Variants in NAALADL2 observed in about 807,000 individuals in gnomAD.
NAALADL2 encodes the protein inactive N-acetylated-alpha-linked acidic dipeptidase-like protein 2.
NAALADL2 carries 76 observed loss-of-function variants against 87.2 expected under a neutral mutation model. The ratio of observed to expected loss-of-function variants is 0.87; its 90% confidence interval spans 0.72 to 1.05. The LOEUF (loss-of-function observed/expected upper bound fraction) is 1.05. Among genes scored for constraint, NAALADL2 ranks in the 50% least tolerant of loss-of-function variants. The probability of loss-of-function intolerance (pLI) is 0.00; values close to 1 mark genes in which losing one functional copy is unlikely to be tolerated. For missense variants in NAALADL2, 1,089 were observed against 945.8 expected, an observed-to-expected ratio of 1.15 and a Z score of -1.99; for synonymous variants, 354 against 331.0, an observed-to-expected ratio of 1.07 and a Z score of -0.75.
At chr3:174,469,459 C>T (rs1202312378) in intron 1 of NAALADL2, among the ~76,000 whole-genome samples, 2 of 151,126 alleles carry the variant, frequency 1.3e-5, no homozygotes, top group Non-Finnish European at 2.9e-5. Context: ...GATGGAGTCT[C>T]GCTCTGTCTC....
intron 2 of NAALADL2, among the ~76,000 whole-genome samples, chr3:174,633,024 T>C (rs1722295869): frequency 6.6e-6 from 1 of 152,036 alleles, no homozygotes; most frequent in Non-Finnish European, 1.5e-5. Context: ...TGTTTATTGT[T>C]ATAAATAATT....
At chr3:174,565,304 A>C (rs1042836432) in intron 2 of NAALADL2, among the ~76,000 whole-genome samples, 15 of 152,072 alleles carry the variant, frequency 9.9e-5, no homozygotes, top group African/African-American at 3.6e-4. Flanking sequence ...ATGTCCTAAA[A>C]ATCTCCTGTG....
chr3:174,658,904 G>A (rs184655663), intron 2 of NAALADL2, among the ~76,000 whole-genome samples: 3 of 152,142 alleles, frequency 2.0e-5, no homozygotes, highest in East Asian at 3.9e-4. Flanking sequence ...TCTTAGCGTC[G>A]ACATCATTCT....
chr3:174,695,201 G>A lies in NAALADL2; in HGVS notation c.-114-42440G>A, dbSNP rs141588203. Among the ~76,000 whole-genome samples, 316 of 152,084 alleles carry A rather than the reference G, an allele frequency of 2.1e-3. 2 individuals are homozygous for A. The highest frequency in any genetic ancestry group is 7.0e-3 in the African/African-American group (292 of 41,536). On this transcript the variant is annotated intron_variant, in intron 2 of 3. Coordinates refer to the NAALADL2 transcript ENST00000434257. Reference sequence around the variant, plus strand: ...TACATTCTTCATTTGACATAAAGGTGTGAATAAGACAGTCCTTAGTTATCA... The same window carrying A: ...TACATTCTTCATTTGACATAAAGGTATGAATAAGACAGTCCTTAGTTATCA...
intron 2 of NAALADL2, among the ~76,000 whole-genome samples, chr3:174,671,961 GAC>G (rs1726585803): frequency 2.0e-5 from 3 of 150,706 alleles, no homozygotes; most frequent in African/African-American, 7.4e-5. Context: ...TGATGATGAT[GAC>G]AGTGGTGATG....
At chr3:175,272,346 T>C (rs1752962855) in intron 4 of NAALADL2, among the ~76,000 whole-genome samples, 1 of 152,194 alleles carries the variant, frequency 6.6e-6, no homozygotes, top group Non-Finnish European at 1.5e-5. Flanking sequence ...GAGTTTATCA[T>C]ATTAAACTCC....
intron 5 of NAALADL2, among the ~76,000 whole-genome samples, chr3:175,396,896 C>T (rs927145318): frequency 1.3e-5 from 2 of 152,054 alleles, no homozygotes; most frequent in African/African-American, 4.8e-5. Context: ...TTTCCTGAGG[C>T]CTCCCCAACC....
chr3:175,217,206 A>G (rs1288211092), intron 2 of NAALADL2, among the ~76,000 whole-genome samples: 1 of 152,194 alleles, frequency 6.6e-6, no homozygotes, highest in Non-Finnish European at 1.5e-5. Context: ...CCAGCTAGGC[A>G]CATATGGCCA....
At chr3:175,087,404 G>A (rs533731119) in intron 1 of NAALADL2, among the ~76,000 whole-genome samples, 2 of 152,210 alleles carry the variant, frequency 1.3e-5, no homozygotes, top group Non-Finnish European at 2.9e-5. Context: ...CCGTCTGGGA[G>A]GTGTACCCAA....
chr3:175,613,506 C>A lies in NAALADL2; in HGVS notation c.1801-13785C>A, dbSNP rs532220347. ...TGAACATACATTTTATTTTTTCTCACCTGAGATGATTCTCAACAATCATTA... is the reference window on the plus strand; with the variant it reads ...TGAACATACATTTTATTTTTTCTCAACTGAGATGATTCTCAACAATCATTA... On this transcript the variant is annotated intron_variant, in intron 10 of 13. Coordinates refer to ENST00000454872, the MANE Select transcript of NAALADL2 (RefSeq NM_207015.3). Among the ~76,000 whole-genome samples, 12 of 152,212 alleles carry A rather than the reference C, an allele frequency of 7.9e-5. No homozygotes were observed. The South Asian group carries it at 2.1e-3, about 26-fold the overall frequency.
intron 1 of NAALADL2, among the ~76,000 whole-genome samples, chr3:174,917,446 T>G (rs1403519599): frequency 6.6e-6 from 1 of 152,172 alleles, no homozygotes. Context: ...TAGTGTAACT[T>G]TAGCTTTTAT....
intron 1 of NAALADL2, among the ~76,000 whole-genome samples, chr3:174,890,317 G>A (rs1411479122): frequency 6.6e-6 from 1 of 152,098 alleles, no homozygotes; most frequent in African/African-American, 2.4e-5. Context: ...ATGAGCTCCT[G>A]TTATATACAG....
At chr3:175,402,398 C>A (rs1160345281) in intron 5 of NAALADL2, among the ~76,000 whole-genome samples, 1 of 152,022 alleles carries the variant, frequency 6.6e-6, no homozygotes, top group Non-Finnish European at 1.5e-5. Flanking sequence ...GGGTCTCCTT[C>A]AATCCTTTCT....
At chr3:175,038,637 A>G (rs1374597760) in intron 1 of NAALADL2, among the ~76,000 whole-genome samples, 2 of 152,198 alleles carry the variant, frequency 1.3e-5, no homozygotes, top group Non-Finnish European at 2.9e-5. Context: ...AATGAACTTT[A>G]CATCAACAAT....
intron 2 of NAALADL2, among the ~76,000 whole-genome samples, chr3:175,215,109 C>T (rs1255055918): frequency 6.6e-6 from 1 of 152,084 alleles, no homozygotes; most frequent in Non-Finnish European, 1.5e-5. Context: ...ATAACAACTT[C>T]TGAAATCAGT....
intron 1 of NAALADL2, among the ~76,000 whole-genome samples, chr3:175,027,877 G>C (rs959478351): frequency 1.3e-5 from 2 of 151,158 alleles, no homozygotes; most frequent in African/African-American, 4.9e-5. Flanking sequence ...TGAACATCTA[G>C]GTAAAGAAAA....
At chr3:174,486,774 T>C (rs1014340733) in intron 1 of NAALADL2, among the ~76,000 whole-genome samples, 1 of 152,044 alleles carries the variant, frequency 6.6e-6, no homozygotes, top group Non-Finnish European at 1.5e-5. Context: ...CAATAGTTAA[T>C]TAGTTATATC....
intron 3 of NAALADL2, among the ~76,000 whole-genome samples, chr3:175,243,316 A>G (rs574729201): frequency 4.5e-4 from 54 of 118,728 alleles, no homozygotes; most frequent in African/African-American, 1.7e-3. Flanking sequence ...ACCACTTTAG[A>G]AGGAAACACA....
chr3:174,891,088 C>A (rs570104702), intron 1 of NAALADL2, among the ~76,000 whole-genome samples: 1 of 151,952 alleles, frequency 6.6e-6, no homozygotes, highest in South Asian at 2.1e-4. Context: ...ATACTCTTAA[C>A]CAGGAATGCA....
Sources: allele counts gnomAD v4.1 joint callset (sites outside exome capture counted in the v4.1 genomes callset), GRCh38; gene constraint gnomAD v4.1.1; transcripts MANE v1.5; gene names NCBI Gene and HGNC (gene_info 2026-07-23, HGNC 2026-07-21).